Variants in ATP1B2 observed in about 807,000 individuals in gnomAD.
ATP1B2 encodes ATPase Na+/K+ transporting subunit beta 2.
Under a neutral mutation model 37.3 loss-of-function variants are expected in ATP1B2, and 12 were observed. The ratio of observed to expected loss-of-function variants is 0.32; its 90% CI spans 0.21 to 0.52. The LOEUF (loss-of-function observed/expected upper bound fraction) is 0.52, where lower values mean the gene tolerates loss of function less well. Ranked by LOEUF, ATP1B2 falls within the 20% of genes least tolerant of loss-of-function variation. The pLI is 0.96. For synonymous variants in ATP1B2, 139 were observed against 140.5 expected (o/e 0.99, Z 0.07); for missense variants, 324 against 391.6 (o/e 0.83, Z 1.46).
In ATP1B2 at chr17:7,655,897, G is replaced by T. The variant is rs925393522; in HGVS notation, c.*2G>T. The T allele has an allele frequency of 6.8e-6, 11 of 1,613,824 alleles. No individual in the cohort carries two copies. The highest frequency in any genetic ancestry group is 8.5e-6 in the Non-Finnish European group (10 of 1,179,874). ...AAACTCCGCATCAACAAAACCTGAG[G>T]CCCCTTCCTCCCACCCCATCTCTCT... On this transcript the variant is annotated 3_prime_UTR_variant, in exon 7 of 7. Transcript: ENST00000250111. This position sits in a 1 kb window ranked among gnomAD's most constrained non-coding sequence, Gnocchi z 4.4.
At chr17:7,653,182 G>C (rs1826025599) in intron 1 of ATP1B2, among the ~76,000 whole-genome samples, 192 bp from the exon 2 acceptor site, 1 of 152,174 alleles carries the variant, frequency 6.6e-6, no homozygotes, top group African/African-American at 2.4e-5. Flanking sequence ...TGGGAGTCAT[G>C]GCTAGAAGCC....
Position 7,656,034 on chromosome 17 carries a change from T to G in ATP1B2, c.*139T>G, listed in dbSNP as rs1396180929. The G allele has an allele frequency of 1.7e-6, 2 of 1,198,744 alleles. No homozygotes were observed. The highest frequency in any genetic ancestry group is 2.3e-6 in the Non-Finnish European group (2 of 869,838). 74.3% of individuals were successfully genotyped at this position (1,198,744 alleles called of 1,614,324 possible). A position where few individuals can be genotyped will look rare whatever the true frequency, so the allele number is the denominator to read the frequency against. Reference sequence around the variant, plus strand: ...TTGTCTGAGCCTCACATCCTTTTCCTTGACTTCTCAACCCAGCCTGAAGTC... The same window carrying G: ...TTGTCTGAGCCTCACATCCTTTTCCGTGACTTCTCAACCCAGCCTGAAGTC... On this transcript the variant is annotated 3_prime_UTR_variant, in exon 7 of 7. Transcript: ENST00000250111.
At chr17:7,649,006 C>G (rs2072592467), upstream of ATP1B2, among the ~76,000 whole-genome samples, 2 of 152,146 alleles carry the variant, frequency 1.3e-5, no homozygotes, top group Admixed American at 1.3e-4. Flanking sequence ...GGAAGACTAC[C>G]TACCCTTCAG....
upstream of ATP1B2, among the ~76,000 whole-genome samples, chr17:7,649,716 C>T (rs1483252191): frequency 5.9e-5 from 9 of 151,670 alleles, no homozygotes; most frequent in Admixed American, 3.9e-4. Flanking sequence ...CGACGCCCAG[C>T]TAATTTTTTT....
intron 1 of ATP1B2, among the ~76,000 whole-genome samples, chr17:7,652,129 G>A (rs1053202269): frequency 6.6e-6 from 1 of 151,986 alleles, no homozygotes; most frequent in African/African-American, 2.4e-5. Context: ...CCTGGCCTTG[G>A]GAGCCTTCTG....
chr17:7,647,360 T>C (rs2072581399), upstream of ATP1B2, among the ~76,000 whole-genome samples: 1 of 152,128 alleles, frequency 6.6e-6, no homozygotes, highest in Non-Finnish European at 1.5e-5. Flanking sequence ...TCCTTCCTTA[T>C]CAGGAAGCTG....
rs2072652637 is a variant in ATP1B2, at chr17:7,656,369, C to T, written c.*474C>T. On this transcript the variant is annotated 3_prime_UTR_variant, in exon 7 of 7. Coordinates refer to ENST00000250111, the MANE Select transcript of ATP1B2 (RefSeq NM_001678.5). The stretch of plus-strand genomic sequence containing the variant: ...CCATTCCTAAGCTCTGGCCACCGTC[C>T]CTTGATCTCTCATACTTTCTCCCTG... 3 of 172,262 alleles carry T rather than the reference C, an allele frequency of 1.7e-5. No homozygotes were observed. Among genetic ancestry groups the T allele is most frequent in the African/African-American group, 4.8e-5 (2 of 41,940 alleles). The allele number at this position is 172,262 out of a possible 1,614,324, so 10.7% of individuals were successfully genotyped here. A position where few individuals can be genotyped will look rare whatever the true frequency, so the allele number is the denominator to read the frequency against.
chr17:7,654,060 G>A lies in ATP1B2; in HGVS notation c.355G>A (p.Asp119Asn), dbSNP rs752825639. ...CCCTCCCACCTCTTTAGCTTACAAC[G>A]ACTCTATCCAAGCCCAAAAGAATGA... is the stretch of plus-strand genomic sequence containing the variant. ...KLNKFLEPYN[D>N]SIQAQKNDVC... Residue 119 changes from aspartate (D) to asparagine (N), a missense_variant, in exon 4 of 7, where the codon GAC becomes AAC. Transcript: ENST00000250111. The surrounding 1 kb of genome is among the most constrained non-coding windows in gnomAD (Gnocchi z 4.9). The A allele has an allele frequency of 5.0e-6, 8 of 1,614,126 alleles. No individual in the cohort carries two copies. The highest frequency in any genetic ancestry group is 2.7e-5 in the African/African-American group (2 of 75,022).
chr17:7,650,288 G>T (rs2072601489), upstream of ATP1B2, among the ~76,000 whole-genome samples: 1 of 152,176 alleles, frequency 6.6e-6, no homozygotes, highest in South Asian at 2.1e-4. Context: ...GGGCTTCAGG[G>T]AGACGTGATG....
Position 7,654,214 on chromosome 17 carries a change from G to A in ATP1B2, c.509G>A (p.Gly170Asp). The A allele has an allele frequency of 6.2e-7, 1 of 1,614,136 alleles. No individual in the cohort carries two copies. Among genetic ancestry groups the A allele is most frequent in the Non-Finnish European group, 8.5e-7 (1 of 1,179,998 alleles). ...CSGIGDSTHY[G>D]YSTGQPCVFI... Reference sequence around the variant, plus strand: ...GGCATTGGGGACTCCACCCACTATGGTTACAGCACTGGGCAGCCCTGTGTC... The same window carrying A: ...GGCATTGGGGACTCCACCCACTATGATTACAGCACTGGGCAGCCCTGTGTC... Residue 170 changes from glycine to aspartate, a missense_variant, in exon 4 of 7, where the codon GGT becomes GAT. By Grantham distance (94) the Gly-to-Asp change is moderately conservative (BLOSUM62 -1). Coordinates refer to ENST00000250111, the MANE Select transcript of ATP1B2 (RefSeq NM_001678.5). The surrounding 1 kb of genome is among the most constrained non-coding windows in gnomAD (Gnocchi z 4.9).
At position 7,654,247 on chromosome 17, in the gene ATP1B2, A is replaced by T; in HGVS notation, c.542A>T (p.Lys181Met). The part of the protein sequence containing the change: ...YSTGQPCVFI[K>M]MNRVINFYAG... ...ACTGGGCAGCCCTGTGTCTTCATCAAGATGAACCGGGTATCTATGACCTTG... is the reference window on the plus strand; with the variant it reads ...ACTGGGCAGCCCTGTGTCTTCATCATGATGAACCGGGTATCTATGACCTTG... Residue 181 changes from lysine to methionine, a missense_variant, in exon 4 of 7, where the codon AAG (lysine) becomes ATG (methionine). Lys to Met is a moderately conservative substitution (Grantham distance 95, BLOSUM62 -1). Coordinates refer to ENST00000250111, the MANE Select transcript of ATP1B2 (RefSeq NM_001678.5). This position sits in a 1 kb window ranked among gnomAD's most constrained non-coding sequence, Gnocchi z 4.9. 6.2e-7 allele frequency: 1 copy of T among 1,613,972 alleles called. No individual in the cohort carries two copies. Among genetic ancestry groups the T allele is most frequent in the East Asian group, 2.2e-5 (1 of 44,882 alleles).
At chr17:7,650,112 C>A (rs947898703), upstream of ATP1B2, among the ~76,000 whole-genome samples, 13 of 152,212 alleles carry the variant, frequency 8.5e-5, no homozygotes, top group Non-Finnish European at 1.5e-4. Flanking sequence ...CTACAGCACA[C>A]AGTCTATAGA....
chr17:7,647,039 T>C (rs928266155), upstream of ATP1B2, among the ~76,000 whole-genome samples: 1 of 148,322 alleles, frequency 6.7e-6, no homozygotes, highest in Non-Finnish European at 1.5e-5. Context: ...GCTGGGAGGA[T>C]TGGATCACCA....
Position 7,654,928 on chromosome 17 carries a change from C to T in ATP1B2, c.609+244C>T, listed in dbSNP as rs1167250730. On this transcript the variant is annotated intron_variant, in intron 5 of 6. Coordinates refer to ENST00000250111, the MANE Select transcript of ATP1B2 (RefSeq NM_001678.5). The surrounding 1 kb of genome is among the most constrained non-coding windows in gnomAD (Gnocchi z 4.9). ...TGCTCTCCTAGGGGCCAGACACACG[C>T]CCTCCTCCACCAACGCCCTGGCCTC... 1 of 511,098 alleles carries T rather than the reference C, an allele frequency of 2.0e-6. No individual in the cohort carries two copies. Among genetic ancestry groups the T allele is most frequent in the Admixed American group, 3.3e-5 (1 of 30,070 alleles). The allele number at this position is 511,098 out of a possible 1,614,324, so 31.7% of individuals were successfully genotyped here.
rs112262799 is a variant in ATP1B2 at position 7,653,520 on chromosome 17, C to A, written c.241+18C>A. On this transcript the variant is annotated intron_variant, in intron 2 of 6. Transcript: ENST00000250111. ...CACACCGGGTGAGTGTGGAGGCTCC[C>A]CCTGCCAGCTACTCTAACTGCTCTT... The A allele has an allele frequency of 4.5e-4, 727 of 1,613,530 alleles. 3 individuals carry two copies. The African/African-American group carries it at 8.1e-3, about 18-fold the overall frequency.
chr17:7,647,511 C>T (rs1229776822), upstream of ATP1B2, among the ~76,000 whole-genome samples: 1 of 152,020 alleles, frequency 6.6e-6, no homozygotes, highest in Admixed American at 6.6e-5. Context: ...TTAAGAGACC[C>T]CCCATCTCTA....
chr17:7,651,320 T>G lies in ATP1B2; in HGVS notation c.-199T>G, dbSNP rs1333564014. On this transcript the variant is annotated 5_prime_UTR_variant, in exon 1 of 7. Coordinates refer to ENST00000250111, the MANE Select transcript of ATP1B2 (RefSeq NM_001678.5). Reference sequence around the variant, plus strand: ...TGGGGGGCCTAGGATCGGTGCATCTTCCGCCGCGCTGCCAGCACCCCGCAG... The same window carrying G: ...TGGGGGGCCTAGGATCGGTGCATCTGCCGCCGCGCTGCCAGCACCCCGCAG... 3 of 584,904 alleles carry G rather than the reference T, an allele frequency of 5.1e-6. No homozygotes were observed. Among genetic ancestry groups the G allele is most frequent in the Non-Finnish European group, 9.2e-6 (3 of 327,702 alleles). The allele number at this position is 584,904 out of a possible 1,614,324, so 36.2% of individuals were successfully genotyped here.
upstream of ATP1B2, chr17:7,646,707 C>CT (rs2072577773): frequency 1.3e-5 from 2 of 152,124 alleles, no homozygotes; most frequent in African/African-American, 4.8e-5. Flanking sequence ...ATAAGGTAAG[C>CT]ACATTATGTC....
chr17:7,649,416 C>G (rs1034125800), upstream of ATP1B2, among the ~76,000 whole-genome samples: 1 of 151,652 alleles, frequency 6.6e-6, no homozygotes, highest in African/African-American at 2.4e-5. Flanking sequence ...GAGACGAAGT[C>G]TCACTCTATT....
Sources: allele counts gnomAD v4.1 joint callset (sites outside exome capture counted in the v4.1 genomes callset), GRCh38; gene constraint gnomAD v4.1.1; non-coding constraint Gnocchi (gnomAD v3.1); transcripts MANE v1.5; gene names NCBI Gene and HGNC (gene_info 2026-07-23, HGNC 2026-07-21).